Variants in SLCO2B1 observed in about 807,000 individuals in gnomAD.
The protein encoded by SLCO2B1 is solute carrier organic anion transporter family member 2B1.
In SLCO2B1, 41 loss-of-function variants were observed where a neutral mutation model predicts 67.3. That is an observed-to-expected ratio of 0.61 (90% CI 0.47 to 0.79). The LOEUF (loss-of-function observed/expected upper bound fraction) is 0.79. Ranked by LOEUF, SLCO2B1 falls within the 30% of genes least tolerant of loss-of-function variation. SLCO2B1 has a pLI of 0.00. For missense variants in SLCO2B1, 837 were observed against 920.1 expected (o/e 0.91, Z 1.17); for synonymous variants, 379 against 381.4 (o/e 0.99, Z 0.07).
chr11:75,190,106 C>G (rs1037958016), intron 8 of SLCO2B1, among the ~76,000 whole-genome samples: 1 of 152,198 alleles, frequency 6.6e-6, no homozygotes, highest in African/African-American at 2.4e-5. Context: ...TAGCCTCAGG[C>G]CACCCCCAGA....
chr11:75,181,372 C>CAA (rs11369857), intron 7 of SLCO2B1, among the ~76,000 whole-genome samples: 8,970 of 128,332 alleles, frequency 0.07, 802 homozygotes, highest in East Asian at 0.37. Flanking sequence ...GACTCTGCCT[C>CAA]AAAAAAAAAA....
chr11:75,200,593 A>G (rs2140346069), intron 11 of SLCO2B1: 1 of 507,618 alleles, frequency 2.0e-6, no homozygotes, highest in East Asian at 3.3e-5. Context: ...ATTGAGGCTC[A>G]GAGAAGTTCA....
Position 75,202,913 on chromosome 11 carries a change from A to G in SLCO2B1, c.1776A>G (p.Lys592=), listed in dbSNP as rs756188904. The change falls in exon 12 of 14, where the codon AAA becomes AAG. Residue 592 remains lysine (K), a synonymous_variant. Transcript: ENST00000289575. ...CTCTGCTTGTTAGAGGAGTGAAGAA[A>G]GAAGACAAGACTTTGGCTGTGGGCA... ...SFMLILRGVK[K]EDKTLAVGIQ... is the part of the protein sequence containing the mutation. 13 of 1,613,844 alleles carry G rather than the reference A, an allele frequency of 8.1e-6. No homozygotes were observed. Among genetic ancestry groups the G allele is most frequent in the Non-Finnish European group, 2.5e-6 (3 of 1,179,958 alleles).
chr11:75,154,666 T>A (rs1424938820), intron 1 of SLCO2B1, among the ~76,000 whole-genome samples: 1 of 152,138 alleles, frequency 6.6e-6, no homozygotes, highest in Non-Finnish European at 1.5e-5. Flanking sequence ...TCTGGACAAA[T>A]CTGTACTGAA....
chr11:75,169,235 G>T lies in SLCO2B1; in HGVS notation c.511G>T (p.Ala171Ser), dbSNP rs1271629028. 1 of 1,614,132 alleles carries T rather than the reference G, an allele frequency of 6.2e-7. No individual in the cohort carries two copies. ...GCCCACAACCTCGGCCCCAGCCTCG[G>T]CCCCCTCCAATGGCAACTGCTCAAG... is the stretch of plus-strand genomic sequence containing the variant. ...CLPTTSAPAS[A>S]PSNGNCSSYT... Residue 171 changes from alanine to serine, a missense_variant, in exon 5 of 14, where the codon GCC (alanine) becomes TCC (serine). Transcript: ENST00000289575.
intron 4 of SLCO2B1, 33 bp downstream of exon 4, chr11:75,165,982 C>T (rs7111320): frequency 7.1e-4 from 1,139 of 1,601,008 alleles, no homozygotes; most frequent in Non-Finnish European, 9.0e-4. Flanking sequence ...AGGAGTGGGA[C>T]GTTAGCCTCT....
intron 11 of SLCO2B1, chr11:75,202,614 C>G (rs1018296845): frequency 7.7e-5 from 34 of 440,780 alleles, no homozygotes; most frequent in African/African-American, 6.4e-4. Flanking sequence ...TTGATGGGAC[C>G]AGTGGGTGGA....
At position 75,151,129 on chromosome 11, in the gene SLCO2B1, A is replaced by G. The variant is rs770847123; in HGVS notation, c.-253A>G. 2.6e-5 allele frequency: 13 copies of G among 506,802 alleles called. No individual in the cohort carries two copies. Among genetic ancestry groups the G allele is most frequent in the South Asian group, 9.4e-5 (3 of 32,000 alleles). 31.4% of individuals were successfully genotyped at this position (506,802 alleles called of 1,614,324 possible). ...GACAGAAGGAGCAAGTGACCCAGGGAGACAAACACTTGGAGATACTTGGGG... is the reference window on the plus strand; with the variant it reads ...GACAGAAGGAGCAAGTGACCCAGGGGGACAAACACTTGGAGATACTTGGGG... On this transcript the variant is annotated 5_prime_UTR_variant, in exon 1 of 14. Coordinates refer to ENST00000289575, the MANE Select transcript of SLCO2B1 (RefSeq NM_007256.5).
intron 1 of SLCO2B1, among the ~76,000 whole-genome samples, chr11:75,156,505 C>T (rs895701946): frequency 6.6e-6 from 1 of 152,116 alleles, no homozygotes; most frequent in Non-Finnish European, 1.5e-5. Context: ...AGTTGTCTGC[C>T]TCCCACCCCA....
rs371434560 is a variant in SLCO2B1, at chr11:75,196,339, C to T, written c.1434-175C>T. 47 of 630,502 alleles carry T rather than the reference C, an allele frequency of 7.5e-5. No individual in the cohort carries two copies. In the African/African-American group the frequency reaches 8.1e-4, roughly 11 times the overall value. 39.1% of individuals were successfully genotyped at this position (630,502 alleles called of 1,614,324 possible). On this transcript the variant is annotated intron_variant, in intron 9 of 13. Coordinates refer to ENST00000289575, the MANE Select transcript of SLCO2B1 (RefSeq NM_007256.5). ...GGGGCCTGTCTCCATACTTGCCCACCTTCATTGCAAGGAGCTCACTATCAC... is the reference window on the plus strand; with the variant it reads ...GGGGCCTGTCTCCATACTTGCCCACTTTCATTGCAAGGAGCTCACTATCAC...
intron 5 of SLCO2B1, 107 bp from the exon 6 acceptor site, chr11:75,169,559 C>G: frequency 2.5e-6 from 3 of 1,219,060 alleles, no homozygotes; most frequent in African/African-American, 3.0e-5. Context: ...GTTCCCCATC[C>G]CTGACCAGGG....
chr11:75,190,007 A>G (rs1015848522), intron 8 of SLCO2B1, among the ~76,000 whole-genome samples: 1 of 151,228 alleles, frequency 6.6e-6, no homozygotes, highest in African/African-American at 2.4e-5. Flanking sequence ...TCAGTAATCT[A>G]GCCCCCAGTT....
Position 75,206,046 on chromosome 11 carries a change from C to T in SLCO2B1, c.*1466C>T, listed in dbSNP as rs1370161290. 1.3e-5 allele frequency: 2 copies of T among 152,162 alleles called. No individual in the cohort carries two copies. The highest frequency in any genetic ancestry group is 2.9e-5 in the Non-Finnish European group (2 of 68,032). 9.4% of individuals were successfully genotyped at this position (152,162 alleles called of 1,614,324 possible). On this transcript the variant is annotated 3_prime_UTR_variant, in exon 14 of 14. Transcript: ENST00000289575. ...AAAGGGAGGTACAGAAGTTCCAATTCCCTTTTTATTTTGCTGGTTGGTATC... is the reference window on the plus strand; with the variant it reads ...AAAGGGAGGTACAGAAGTTCCAATTTCCTTTTTATTTTGCTGGTTGGTATC...
intron 13 of SLCO2B1, 149 bp downstream of exon 13, chr11:75,203,576 C>A: frequency 1.0e-6 from 1 of 989,824 alleles, no homozygotes; most frequent in Non-Finnish European, 1.5e-6. Context: ...CTCACCAGTC[C>A]TTCAAGCTAA....
intron 10 of SLCO2B1, among the ~76,000 whole-genome samples, chr11:75,197,178 T>C (rs1263142987): frequency 6.6e-6 from 1 of 152,244 alleles, no homozygotes; most frequent in Admixed American, 6.5e-5. Context: ...TGAATCATTC[T>C]GGCTTCCAGA....
chr11:75,203,701 C>T lies in SLCO2B1; in HGVS notation c.1949+274C>T, dbSNP rs1454178914. 5 of 394,832 alleles carry T rather than the reference C, an allele frequency of 1.3e-5. No individual in the cohort carries two copies. The South Asian group carries it at 1.3e-4, about 10-fold the overall frequency. The allele number at this position is 394,832 out of a possible 1,614,324, so 24.5% of individuals were successfully genotyped here. A position where few individuals can be genotyped will look rare whatever the true frequency, so the allele number is the denominator to read the frequency against. On this transcript the variant is annotated intron_variant, in intron 13 of 13. Coordinates refer to ENST00000289575, the MANE Select transcript of SLCO2B1 (RefSeq NM_007256.5). The stretch of plus-strand genomic sequence containing the variant: ...CTTGACCACAGAGTCTATGCAGGAA[C>T]TTGGGGAGAAACAGAGGAGCAGCCA...
At position 75,193,132 on chromosome 11, in the gene SLCO2B1, G is replaced by T; in HGVS notation, c.1076-86G>T. On this transcript the variant is annotated intron_variant, in intron 8 of 13. Coordinates refer to ENST00000289575, the MANE Select transcript of SLCO2B1 (RefSeq NM_007256.5). The surrounding 1 kb of genome is among the most constrained non-coding windows in gnomAD (Gnocchi z 4.2). Reference sequence around the variant, plus strand: ...GGGGCGGGTTAGAAGAAATGGAACTGCTTGAACTGAGCAGGGCAGGAGGGC... The same window carrying T: ...GGGGCGGGTTAGAAGAAATGGAACTTCTTGAACTGAGCAGGGCAGGAGGGC... The T allele has an allele frequency of 2.1e-6, 2 of 966,520 alleles. No homozygotes were observed. Among genetic ancestry groups the T allele is most frequent in the Non-Finnish European group, 3.1e-6 (2 of 644,132 alleles). The allele number at this position is 966,520 out of a possible 1,614,324, so 59.9% of individuals were successfully genotyped here. A position where few individuals can be genotyped will look rare whatever the true frequency, so the allele number is the denominator to read the frequency against.
At chr11:75,181,305 G>A (rs1950088953) in intron 7 of SLCO2B1, among the ~76,000 whole-genome samples, 1 of 151,224 alleles carries the variant, frequency 6.6e-6, no homozygotes, top group Admixed American at 6.6e-5. Context: ...GGGAGGTGGA[G>A]GTTGCAGTGA....
intron 7 of SLCO2B1, among the ~76,000 whole-genome samples, chr11:75,178,945 T>C (rs1419219964): frequency 6.6e-6 from 1 of 152,216 alleles, no homozygotes; most frequent in Non-Finnish European, 1.5e-5. Context: ...TGACAGGATT[T>C]CCTTCTTTTT....
Sources: allele counts gnomAD v4.1 joint callset (sites outside exome capture counted in the v4.1 genomes callset), GRCh38; gene constraint gnomAD v4.1.1; non-coding constraint Gnocchi (gnomAD v3.1); transcripts MANE v1.5; gene names NCBI Gene and HGNC (gene_info 2026-07-23, HGNC 2026-07-21).